The following CEP112 variants were observed in gnomAD, a reference collection of about 807,000 sequenced individuals.
CEP112 encodes centrosomal protein of 112 kDa.
CEP112 carries 127 observed loss-of-function variants against 153.0 expected under a neutral mutation model. That is an observed-to-expected ratio of 0.83 (90% confidence interval 0.72 to 0.96). The LOEUF (loss-of-function observed/expected upper bound fraction) is 0.96. CEP112 is among the 40% of genes least tolerant of loss of function. The pLI, the probability that CEP112 is intolerant of heterozygous loss-of-function variation, is 0.00. For missense variants in CEP112, 1,089 were observed against 1,101.2 expected (o/e 0.99, Z 0.16); for synonymous variants, 358 against 374.4 (o/e 0.96, Z 0.51).
intron 18 of CEP112, 60 bp downstream of exon 18, chr17:65,961,403 G>T (rs774827870): frequency 2.7e-6 from 4 of 1,459,190 alleles, no homozygotes; most frequent in Non-Finnish European, 3.7e-6. Context: ...TTTAAGATGA[G>T]AATGTACCTT....
At chr17:65,804,960 C>T (rs1020508917) in intron 21 of CEP112, among the ~76,000 whole-genome samples, 1 of 151,830 alleles carries the variant, frequency 6.6e-6, no homozygotes, top group Non-Finnish European at 1.5e-5. Context: ...GCAATCCTCC[C>T]ACCTCAGCCT....
chr17:65,987,725 T>TA (rs1417020342), intron 17 of CEP112, among the ~76,000 whole-genome samples: 2 of 151,790 alleles, frequency 1.3e-5, no homozygotes, highest in Non-Finnish European at 2.9e-5. Context: ...CACAGGGAAG[T>TA]AAAAAACAAC....
At chr17:66,037,606 A>C (rs1030702003) in intron 12 of CEP112, among the ~76,000 whole-genome samples, 2 of 37,544 alleles carry the variant, frequency 5.3e-5, no homozygotes, top group African/African-American at 2.8e-4. Context: ...GATTTTTCTT[A>C]TAATACTACA....
intron 4 of CEP112, among the ~76,000 whole-genome samples, chr17:66,167,719 A>G (rs1364323789): frequency 6.6e-6 from 1 of 152,236 alleles, no homozygotes; most frequent in African/African-American, 2.4e-5. Context: ...TGGGTGTGAA[A>G]TCATAAGGCC....
At chr17:66,047,141 G>A (rs1165314109) in intron 12 of CEP112, among the ~76,000 whole-genome samples, 1 of 151,810 alleles carries the variant, frequency 6.6e-6, no homozygotes, top group Non-Finnish European at 1.5e-5. Context: ...TTTTGAGATG[G>A]AGTCTCCCTC....
chr17:65,834,338 A>G (rs2057212306), intron 21 of CEP112, among the ~76,000 whole-genome samples: 1 of 152,192 alleles, frequency 6.6e-6, no homozygotes, highest in Non-Finnish European at 1.5e-5. Context: ...AACAAAAACA[A>G]AAGTTGACAA....
chr17:66,105,969 T>G (rs1443750249), intron 6 of CEP112, among the ~76,000 whole-genome samples: 1 of 151,970 alleles, frequency 6.6e-6, no homozygotes, highest in Non-Finnish European at 1.5e-5. Flanking sequence ...GACCACGAGG[T>G]AATAAAACTA....
intron 23 of CEP112, among the ~76,000 whole-genome samples, chr17:65,691,240 C>A (rs567072571): frequency 5.3e-5 from 8 of 152,222 alleles, no homozygotes; most frequent in Non-Finnish European, 1.0e-4. Context: ...GGTGGAGACA[C>A]GAGTTCAGAC....
intron 6 of CEP112, among the ~76,000 whole-genome samples, chr17:66,119,686 G>C (rs1216477279): frequency 6.6e-6 from 1 of 152,214 alleles, no homozygotes; most frequent in Non-Finnish European, 1.5e-5. Flanking sequence ...GAGGGAGAGA[G>C]AGAACTGTTA....
At chr17:65,725,558 C>CCAGT (rs2144914549) in intron 23 of CEP112, among the ~76,000 whole-genome samples, 1 of 152,288 alleles carries the variant, frequency 6.6e-6, no homozygotes, top group South Asian at 2.1e-4. Context: ...CTCAAGTGAT[C>CCAGT]CAGTCGCCTG....
chr17:65,884,918 G>A (rs1270575919), intron 20 of CEP112, among the ~76,000 whole-genome samples: 1 of 151,842 alleles, frequency 6.6e-6, no homozygotes, highest in Non-Finnish European at 1.5e-5. Context: ...GTTTCTCCAT[G>A]TTGGTCAGGC....
intron 20 of CEP112, among the ~76,000 whole-genome samples, chr17:65,883,738 A>G (rs2059171090): frequency 6.6e-6 from 1 of 152,212 alleles, no homozygotes; most frequent in African/African-American, 2.4e-5. Flanking sequence ...AACCCAATGT[A>G]CATTTTGAAA....
chr17:66,025,134 C>T (rs542399470), intron 16 of CEP112, among the ~76,000 whole-genome samples: 10 of 152,148 alleles, frequency 6.6e-5, no homozygotes, highest in African/African-American at 2.2e-4. Context: ...TAAAAATCAA[C>T]TCAAGATGGA....
Position 66,129,738 on chromosome 17 carries a change from T to C in CEP112, c.642+8A>G. Reference sequence around the variant, plus strand: ...CTATATATACATAAAGCAAATACTTTTTTTTACCCCAAGATTCCAACTATT... The same window carrying C: ...CTATATATACATAAAGCAAATACTTCTTTTTACCCCAAGATTCCAACTATT... On this transcript the variant is annotated splice_region_variant and intron_variant, in intron 6 of 26. Transcript: ENST00000535342. 1.3e-6 allele frequency: 2 copies of C among 1,597,048 alleles called. No homozygotes were observed. Among genetic ancestry groups the C allele is most frequent in the Non-Finnish European group, 1.7e-6 (2 of 1,167,410 alleles).
chr17:65,970,725 A>G (rs1478071554), intron 17 of CEP112, among the ~76,000 whole-genome samples: 3 of 77,498 alleles, frequency 3.9e-5, no homozygotes, highest in African/African-American at 1.3e-4. Flanking sequence ...ATGTGCCTTT[A>G]TCACATGCAT....
rs183084426 is a variant in CEP112 at position 65,795,321 on chromosome 17, A to G, written c.2395-44597T>C. On this transcript the variant is annotated intron_variant, in intron 21 of 26. Transcript: ENST00000535342. The stretch of plus-strand genomic sequence containing the variant: ...TTTAATGAATTCTTACTAGGTGCCA[A>G]GGCTTTGCATAATTACTTCACCAAT... Among the ~76,000 whole-genome samples, 25 of 152,334 alleles carry G rather than the reference A, an allele frequency of 1.6e-4. No homozygotes were observed. In the East Asian group the frequency reaches 4.8e-3, roughly 29 times the overall value.
intron 17 of CEP112, among the ~76,000 whole-genome samples, chr17:66,001,148 G>C (rs968863335): frequency 6.6e-6 from 1 of 152,114 alleles, no homozygotes; most frequent in Non-Finnish European, 1.5e-5. Flanking sequence ...AGCGTCACCC[G>C]GCCTCAGGGA....
rs201042942 is a variant in CEP112, at chr17:65,852,037, T to A, written c.2164-3A>T. ...TGGGCCTCCATGTCGGCAATAACCT[T>A]GTTTTTAAAAATGGAAAAATGGGCA... On this transcript the variant is annotated splice_region_variant and splice_polypyrimidine_tract_variant and intron_variant, in intron 20 of 26. Coordinates refer to ENST00000535342, the MANE Select transcript of CEP112 (RefSeq NM_001199165.4). The A allele has an allele frequency of 1.0e-3, 1,643 of 1,594,824 alleles. 4 individuals are homozygous for A. Among genetic ancestry groups the A allele is most frequent in the Non-Finnish European group, 1.3e-3 (1,505 of 1,174,088 alleles).
At chr17:65,648,772 C>G (rs1178601921) in intron 24 of CEP112, among the ~76,000 whole-genome samples, 3 of 152,074 alleles carry the variant, frequency 2.0e-5, no homozygotes, top group African/African-American at 4.8e-5. Flanking sequence ...CCACATTGAC[C>G]GGGTGGACTG....
Sources: gnomAD v4.1 joint callset for allele counts (sites outside exome capture counted in the v4.1 genomes callset) on GRCh38, gnomAD v4.1.1 for gene constraint, MANE v1.5 for transcripts, NCBI Gene and HGNC (gene_info 2026-07-23, HGNC 2026-07-21) for gene names.